The following TENM1 variants were observed in gnomAD, a reference collection of about 807,000 sequenced individuals.
TENM1 encodes teneurin-1.
TENM1 carries 35 observed loss-of-function variants against 174.8 expected under a neutral mutation model. That is an observed-to-expected ratio of 0.20 (90% confidence interval 0.15 to 0.27). The LOEUF (loss-of-function observed/expected upper bound fraction) is 0.27, where lower values mean the gene tolerates loss of function less well. Among genes scored for constraint, TENM1 ranks in the 10% least tolerant of loss-of-function variants. The pLI is 1.00. For synonymous variants in TENM1, 781 were observed against 798.7 expected, an observed-to-expected ratio of 0.98 and a Z score of 0.37; for missense variants, 1,633 against 2,130.1, an observed-to-expected ratio of 0.77 and a Z score of 4.59.
the TENM1 span, among the ~76,000 whole-genome samples, chrX:124,997,044 G>A: frequency 9.0e-6 from 1 of 111,488 alleles, no homozygotes; most frequent in African/African-American, 3.3e-5. Context: ...GGAAGGCCTG[G>A]GAGAAGGAAG....
At chrX:124,474,313 T>G (rs2061364881) in intron 22 of TENM1, among the ~76,000 whole-genome samples, 1 of 111,316 alleles carries the variant, frequency 9.0e-6, no homozygotes, top group African/African-American at 3.3e-5. Context: ...ACTTTACAGA[T>G]GAGGAATCTG....
At chrX:124,500,753 A>C (rs1267491116) in intron 19 of TENM1, among the ~76,000 whole-genome samples, 1 of 112,148 alleles carries the variant, frequency 8.9e-6, no homozygotes, top group African/African-American at 3.2e-5. Flanking sequence ...ACTTCTTTTG[A>C]TGCTTATAAA....
chrX:124,626,340 T>C (rs1175085731), intron 11 of TENM1, among the ~76,000 whole-genome samples: 5 of 111,762 alleles, frequency 4.5e-5, no homozygotes, highest in Non-Finnish European at 9.4e-5. Flanking sequence ...TCTTATTGTA[T>C]TGCACTTTCT....
the TENM1 span, among the ~76,000 whole-genome samples, chrX:125,103,008 C>T: frequency 1.8e-4 from 20 of 111,878 alleles, no homozygotes; most frequent in Non-Finnish European, 3.8e-4. Context: ...AAAGTATCCA[C>T]GATGAAAATC....
chrX:124,661,352 T>C (rs1365803905), intron 6 of TENM1, among the ~76,000 whole-genome samples: 1 of 112,150 alleles, frequency 8.9e-6, no homozygotes, highest in Non-Finnish European at 1.9e-5. Context: ...GTCACAAAAA[T>C]ACAGTTAGAT....
rs773696962 is a variant in TENM1, at chrX:124,857,927, T to C, written c.535+36369A>G. Among the ~76,000 whole-genome samples the C allele has an allele frequency of 1.5e-3, 172 of 111,424 alleles. 1 individual carries two copies. The highest frequency in any genetic ancestry group is 5.1e-3 in the African/African-American group (157 of 30,791). Reference sequence around the variant, plus strand: ...GAAAAAGACAAAATATTCATATCCATACTTCAAGATAAAATTCAAATATTA... The same window carrying C: ...GAAAAAGACAAAATATTCATATCCACACTTCAAGATAAAATTCAAATATTA... On this transcript the variant is annotated intron_variant, in intron 3 of 31. Transcript: ENST00000422452.
At chrX:124,404,760 G>A (rs1221023522) in intron 27 of TENM1, among the ~76,000 whole-genome samples, 1 of 111,093 alleles carries the variant, frequency 9.0e-6, no homozygotes, top group African/African-American at 3.3e-5. Context: ...GACTTTCTTG[G>A]TGAAATTGCT....
At chrX:124,779,363 T>G (rs1206727750) in intron 3 of TENM1, among the ~76,000 whole-genome samples, 1 of 111,975 alleles carries the variant, frequency 8.9e-6, no homozygotes, top group Non-Finnish European at 1.9e-5. Flanking sequence ...TGCAGTGCTT[T>G]TTACCATACA....
At chrX:124,388,425 T>C (rs1350903164) in intron 28 of TENM1, among the ~76,000 whole-genome samples, 1 of 112,307 alleles carries the variant, frequency 8.9e-6, no homozygotes, top group Admixed American at 9.4e-5. Context: ...GATGATGTGA[T>C]TAGAAATCAA....
the TENM1 span, among the ~76,000 whole-genome samples, chrX:125,021,101 A>T: frequency 9.4e-6 from 1 of 106,443 alleles, no homozygotes. Flanking sequence ...TAAAGAAATT[A>T]GGTTTTTTTT....
At chrX:125,064,359 A>G in the TENM1 span, among the ~76,000 whole-genome samples, 1 of 111,964 alleles carries the variant, frequency 8.9e-6, no homozygotes, top group African/African-American at 3.2e-5. Context: ...TCTGTTCAGG[A>G]GAGCACATAT....
At chrX:124,520,878 G>A in intron 17 of TENM1, 94 bp from the exon 21 acceptor site, 1 of 864,794 alleles carries the variant, frequency 1.2e-6, no homozygotes, top group Non-Finnish European at 1.6e-6. Flanking sequence ...TTTGAAACAT[G>A]CCAAAGGAGA....
At chrX:124,644,710 A>C (rs980288215) in intron 10 of TENM1, among the ~76,000 whole-genome samples, 5 of 111,073 alleles carry the variant, frequency 4.5e-5, no homozygotes, top group Non-Finnish European at 9.4e-5. Context: ...TAGTAATGGT[A>C]ATTACAAAAC....
intron 6 of TENM1, among the ~76,000 whole-genome samples, chrX:124,670,394 G>A (rs1434420597): frequency 1.8e-5 from 2 of 110,956 alleles, no homozygotes; most frequent in Non-Finnish European, 1.9e-5. Context: ...AGAAAAAGCA[G>A]GTAAGGGAGA....
At chrX:124,977,098 A>G in the TENM1 span, among the ~76,000 whole-genome samples, 1 of 111,643 alleles carries the variant, frequency 9.0e-6, no homozygotes, top group Non-Finnish European at 1.9e-5. Context: ...GCTTGGGCCC[A>G]TTGTGTCACG....
chrX:124,524,715 T>A (rs958370205), intron 16 of TENM1, among the ~76,000 whole-genome samples: 1 of 112,013 alleles, frequency 8.9e-6, no homozygotes, highest in African/African-American at 3.3e-5. Flanking sequence ...TCTGTCTATC[T>A]CTAGATGTGG....
rs184055389 is a variant in TENM1 at position 124,620,216 on chromosome X, A to G, written c.2077+21575T>C. 1.3e-3 allele frequency among the ~76,000 whole-genome samples: 143 copies of G among 111,854 alleles called. 1 individual carries two copies. Among genetic ancestry groups the G allele is most frequent in the African/African-American group, 4.5e-3 (139 of 30,825 alleles). ...TATCTTAAAGCTTTTCAAGTACTTG[A>G]AGATTATTACTAAGTCTCTTCTGAA... On this transcript the variant is annotated intron_variant, in intron 11 of 31. Transcript: ENST00000422452.
At chrX:125,132,779 C>T in the TENM1 span, among the ~76,000 whole-genome samples, 2 of 111,778 alleles carry the variant, frequency 1.8e-5, no homozygotes, top group African/African-American at 3.3e-5. Flanking sequence ...AGCCAGAATA[C>T]AGGCTCACCT....
At chrX:124,406,977 T>G (rs2060470448) in intron 25 of TENM1, among the ~76,000 whole-genome samples, 1 of 112,025 alleles carries the variant, frequency 8.9e-6, no homozygotes, top group Non-Finnish European at 1.9e-5. Context: ...AGTTGCCAAA[T>G]TTGAAATGAA....
Sources: allele counts gnomAD v4.1 joint callset (sites outside exome capture counted in the v4.1 genomes callset), GRCh38; gene constraint gnomAD v4.1.1; transcripts MANE v1.5; gene names NCBI Gene and HGNC (gene_info 2026-07-23, HGNC 2026-07-21).